The following CNTNAP2 variants were observed in gnomAD, a reference collection of about 807,000 sequenced individuals.
CNTNAP2 encodes the protein contactin associated protein 2, also known as contactin-associated protein-like 2.
A neutral mutation model predicts 155.2 loss-of-function variants in CNTNAP2; 98 were observed. The observed-to-expected ratio is 0.63, with a 90% CI of 0.54 to 0.75. The LOEUF (loss-of-function observed/expected upper bound fraction) is 0.75. CNTNAP2 is among the 30% of genes least tolerant of loss of function. The pLI is 0.00. For missense variants in CNTNAP2, 1,727 were observed against 1,688.1 expected, an observed-to-expected ratio of 1.02 and a Z score of -0.40; for synonymous variants, 651 against 631.2, an observed-to-expected ratio of 1.03 and a Z score of -0.47.
At chr7:147,050,764 C>T (rs190852760) in intron 4 of CNTNAP2, among the ~76,000 whole-genome samples, 62 of 152,112 alleles carry the variant, frequency 4.1e-4, no homozygotes, top group Admixed American at 2.0e-3. Flanking sequence ...AAATTTAAGA[C>T]GATGGAAAGG....
At chr7:146,678,188 C>T (rs1563184660) in intron 1 of CNTNAP2, among the ~76,000 whole-genome samples, 1 of 151,986 alleles carries the variant, frequency 6.6e-6, no homozygotes, top group Non-Finnish European at 1.5e-5. Context: ...CCTGCCTCAG[C>T]CTCCTGAGTA....
At chr7:146,166,349 T>C (rs1798312258) in intron 1 of CNTNAP2, among the ~76,000 whole-genome samples, 1 of 152,158 alleles carries the variant, frequency 6.6e-6, no homozygotes, top group South Asian at 2.1e-4. Context: ...CATCTTGGCA[T>C]CCCAAAGTGC....
intron 8 of CNTNAP2, among the ~76,000 whole-genome samples, chr7:147,154,331 T>C (rs148108709): frequency 6.6e-6 from 1 of 152,234 alleles, no homozygotes; most frequent in East Asian, 1.9e-4. Flanking sequence ...AAATTTAGGA[T>C]GATTATTTTT....
Position 148,298,704 on chromosome 7 carries a change from A to T in CNTNAP2, c.3475+31578A>T, listed in dbSNP as rs559970169. ...CACAGACATATATACATATATATAT[A>T]TTTTTTAGACAGGGTCTCACTCTGT... is the stretch of plus-strand genomic sequence containing the variant. On this transcript the variant is annotated intron_variant, in intron 21 of 23. Transcript: ENST00000361727. 5.9e-5 allele frequency among the ~76,000 whole-genome samples: 9 copies of T among 152,136 alleles called. No individual in the cohort carries two copies. In the South Asian group the frequency reaches 1.2e-3, roughly 21 times the overall value.
intron 1 of CNTNAP2, among the ~76,000 whole-genome samples, chr7:146,566,318 G>A (rs1798356107): frequency 6.6e-6 from 1 of 152,182 alleles, no homozygotes; most frequent in South Asian, 2.1e-4. Flanking sequence ...CATGAAGCAA[G>A]TGGCTAGGTA....
chr7:146,283,844 T>G (rs1371627089), intron 1 of CNTNAP2, among the ~76,000 whole-genome samples: 1 of 152,160 alleles, frequency 6.6e-6, no homozygotes, highest in Non-Finnish European at 1.5e-5. Context: ...ACACACCTAT[T>G]GTATTTGTCT....
intron 3 of CNTNAP2, among the ~76,000 whole-genome samples, chr7:146,983,654 A>G (rs1798061586): frequency 6.6e-6 from 1 of 152,108 alleles, no homozygotes; most frequent in South Asian, 2.1e-4. Flanking sequence ...GAGGGCTTCC[A>G]TTGTTTTTCC....
chr7:146,562,969 A>G (rs1798302469), intron 1 of CNTNAP2, among the ~76,000 whole-genome samples: 1 of 152,010 alleles, frequency 6.6e-6, no homozygotes, highest in Non-Finnish European at 1.5e-5. Flanking sequence ...ACACACACAT[A>G]CTCCCCTAGT....
intron 1 of CNTNAP2, among the ~76,000 whole-genome samples, chr7:146,246,494 GA>G (rs1174438242): frequency 2.7e-5 from 4 of 150,138 alleles, no homozygotes; most frequent in Admixed American, 2.6e-4. Flanking sequence ...GGAGGCAAGG[GA>G]AACAGGCCCT....
chr7:148,078,386 A>G (rs916688857), intron 15 of CNTNAP2, among the ~76,000 whole-genome samples: 1 of 152,168 alleles, frequency 6.6e-6, no homozygotes, highest in Non-Finnish European at 1.5e-5. Context: ...CACTTCTTTT[A>G]AATTGCATAA....
chr7:146,697,299 G>A (rs1052925411), intron 1 of CNTNAP2, among the ~76,000 whole-genome samples: 1 of 151,420 alleles, frequency 6.6e-6, no homozygotes, highest in Non-Finnish European at 1.5e-5. Context: ...GTGCTGTGGC[G>A]CAATCTTGGC....
rs117456874 is a variant in CNTNAP2, at chr7:147,209,701, G to A, written c.1348+77192G>A. Among the ~76,000 whole-genome samples the A allele has an allele frequency of 1.5e-3, 221 of 152,086 alleles. 5 individuals carry two copies. The East Asian group carries it at 0.035, about 24-fold the overall frequency. On this transcript the variant is annotated intron_variant, in intron 8 of 23. Coordinates refer to ENST00000361727, the MANE Select transcript of CNTNAP2 (RefSeq NM_014141.6). The stretch of plus-strand genomic sequence containing the variant: ...AATGCTTTCAACTTTTTCCCATGCA[G>A]TATGATGTTGGCTGTGGGTTGTCAT...
At chr7:146,918,137 A>G (rs111800525) in intron 3 of CNTNAP2, among the ~76,000 whole-genome samples, 5,626 of 152,236 alleles carry the variant, frequency 0.037, 107 homozygotes, top group South Asian at 0.079. Context: ...TCATTATGCC[A>G]TTCTGTATCT....
At chr7:147,286,379 G>C (rs927912306) in intron 8 of CNTNAP2, among the ~76,000 whole-genome samples, 2 of 151,712 alleles carry the variant, frequency 1.3e-5, no homozygotes, top group Non-Finnish European at 2.9e-5. Flanking sequence ...GCTTAGAACA[G>C]AACAAAACAG....
intron 1 of CNTNAP2, among the ~76,000 whole-genome samples, chr7:146,717,763 T>C (rs1801216737): frequency 6.6e-6 from 1 of 152,178 alleles, no homozygotes; most frequent in African/African-American, 2.4e-5. Context: ...AATTGAGGTT[T>C]TTTTTTGTGC....
chr7:147,018,138 G>T (rs1798756369), intron 3 of CNTNAP2, among the ~76,000 whole-genome samples: 1 of 152,092 alleles, frequency 6.6e-6, no homozygotes, highest in African/African-American at 2.4e-5. Flanking sequence ...AAGGCACTTA[G>T]TAATCTTTTT....
At chr7:147,985,933 G>A (rs1239532665) in intron 15 of CNTNAP2, among the ~76,000 whole-genome samples, 1 of 152,048 alleles carries the variant, frequency 6.6e-6, no homozygotes, top group Non-Finnish European at 1.5e-5. Context: ...ACAGGTGCTG[G>A]GCCAACTGAC....
chr7:147,297,168 A>G (rs1054590337), intron 8 of CNTNAP2, among the ~76,000 whole-genome samples: 2 of 151,150 alleles, frequency 1.3e-5, no homozygotes, highest in South Asian at 4.2e-4. Context: ...ATAGTCAGCA[A>G]CTCCAATGCT....
At chr7:148,021,620 G>C (rs956770045) in intron 15 of CNTNAP2, among the ~76,000 whole-genome samples, 2 of 152,228 alleles carry the variant, frequency 1.3e-5, no homozygotes, top group Non-Finnish European at 2.9e-5. Flanking sequence ...TGCGAGAGAC[G>C]GCGCTAGCCC....
Sources: gnomAD v4.1 joint callset for allele counts (sites outside exome capture counted in the v4.1 genomes callset) on GRCh38, gnomAD v4.1.1 for gene constraint, MANE v1.5 for transcripts, NCBI Gene and HGNC (gene_info 2026-07-23, HGNC 2026-07-21) for gene names.